The following FOXN2 variants were observed in gnomAD, a reference collection of about 807,000 sequenced individuals.
FOXN2 encodes the protein forkhead box N2.
FOXN2 carries 19 observed loss-of-function variants against 41.2 expected under a neutral mutation model. The observed-to-expected ratio is 0.46, with a 90% CI of 0.32 to 0.68. FOXN2 has a LOEUF of 0.68. FOXN2 is among the 30% of genes least tolerant of loss of function. FOXN2 has a pLI of 0.03. For synonymous variants in FOXN2, 195 were observed against 176.8 expected, an observed-to-expected ratio of 1.10 and a Z score of -0.82; for missense variants, 587 against 509.4, an observed-to-expected ratio of 1.15 and a Z score of -1.47.
chr2:48,353,603 TGTGA>T (rs1303796410), intron 3 of FOXN2, among the ~76,000 whole-genome samples: 12 of 92,482 alleles, frequency 1.3e-4, no homozygotes, highest in Admixed American at 5.3e-4. Flanking sequence ...TGTGTGTGTG[TGTGA>T]AAGAGAAAGG....
In FOXN2 at chr2:48,362,670, C is replaced by T. The variant is rs375249433; in HGVS notation, c.666C>T (p.Ser222=). Residue 222 remains serine, a synonymous_variant, in exon 5 of 7, where the codon AGC becomes AGT. Transcript: ENST00000340553. ...GTTCTTTATCACCTCACTATTTAAG[C>T]TCTGTAATCAAGCAGAACCAGGTGC... ...QNGSLSPHYL[S]SVIKQNQVRN... The T allele has an allele frequency of 6.8e-6, 11 of 1,613,840 alleles. No individual in the cohort carries two copies. In the African/African-American group the frequency reaches 1.3e-4, roughly 20 times the overall value.
intron 1 of FOXN2, among the ~76,000 whole-genome samples, chr2:48,327,716 A>T (rs544591918): frequency 6.4e-4 from 97 of 152,322 alleles, no homozygotes; most frequent in African/African-American, 2.3e-3. Context: ...AAGTGCTGGG[A>T]TTACAGGTGT....
intron 2 of FOXN2, among the ~76,000 whole-genome samples, chr2:48,337,720 T>C (rs1384348550): frequency 6.6e-6 from 1 of 152,102 alleles, no homozygotes; most frequent in East Asian, 1.9e-4. Flanking sequence ...TAATTTCAAA[T>C]AGACTTAAAG....
Position 48,346,442 on chromosome 2 carries a change from T to G in FOXN2, c.228T>G (p.Ser76Arg). 1 of 1,614,146 alleles carries G rather than the reference T, an allele frequency of 6.2e-7. No homozygotes were observed. The highest frequency in any genetic ancestry group is 8.5e-7 in the Non-Finnish European group (1 of 1,180,020). The change falls in exon 3 of 7, where the codon AGT becomes AGG. Residue 76 changes from serine (S) to arginine (R), a missense_variant. Coordinates refer to ENST00000340553, the MANE Select transcript of FOXN2 (RefSeq NM_002158.4). ...TNLLTNFSLG[S>R]EGLPIVSPLY... ...TTCTAACAAACTTCAGCCTCGGAAG[T>G]GAGGGTCTTCCAATTGTTAGTCCAT...
intron 2 of FOXN2, among the ~76,000 whole-genome samples, chr2:48,335,569 C>G (rs1392792468): frequency 1.7e-5 from 1 of 59,106 alleles, no homozygotes; most frequent in Non-Finnish European, 4.3e-5. Flanking sequence ...CATGTTCATA[C>G]AAATAAAATG....
chr2:48,344,993 G>T (rs774510598), intron 2 of FOXN2, among the ~76,000 whole-genome samples: 3 of 152,062 alleles, frequency 2.0e-5, no homozygotes, highest in Admixed American at 6.6e-5. Context: ...TCTCTGGTCT[G>T]TTATTGTCTC....
intron 2 of FOXN2, among the ~76,000 whole-genome samples, chr2:48,345,303 A>C (rs907971479): frequency 2.0e-5 from 3 of 152,122 alleles, no homozygotes; most frequent in Non-Finnish European, 4.4e-5. Context: ...GGAAGTATAG[A>C]GTAGAATGGT....
chr2:48,360,476 A>T (rs999662957), intron 4 of FOXN2, among the ~76,000 whole-genome samples: 2 of 152,164 alleles, frequency 1.3e-5, no homozygotes, highest in East Asian at 1.9e-4. Flanking sequence ...CTTGTAGAGG[A>T]GTGGTTGTAG....
intron 2 of FOXN2, among the ~76,000 whole-genome samples, chr2:48,331,060 A>G (rs1572708323): frequency 2.0e-5 from 3 of 152,332 alleles, no homozygotes; most frequent in Admixed American, 2.0e-4. Context: ...TCCATGTAGT[A>G]AAGCTTATTA....
At chr2:48,341,868 C>T (rs952832005) in intron 2 of FOXN2, among the ~76,000 whole-genome samples, 9 of 152,194 alleles carry the variant, frequency 5.9e-5, no homozygotes, top group Non-Finnish European at 1.0e-4. Context: ...AAATCATTCC[C>T]TTATTTACCA....
intron 2 of FOXN2, among the ~76,000 whole-genome samples, chr2:48,336,313 C>T (rs1670348383): frequency 6.6e-6 from 1 of 150,590 alleles, no homozygotes; most frequent in African/African-American, 2.4e-5. Context: ...GAGGCCGAGG[C>T]AGGAGAATCG....
intron 6 of FOXN2, among the ~76,000 whole-genome samples, chr2:48,373,992 T>TTGCAGTGAGCCATGAGCAC (rs140131320): frequency 6.6e-6 from 1 of 151,232 alleles, no homozygotes; most frequent in South Asian, 2.1e-4. Context: ...GAGGTGGGGG[T>TTGCAGTGAGCCATGAGCAC]TGCAGTGAGC....
In FOXN2 at chr2:48,375,594, A is replaced by G. The variant is rs367931724; in HGVS notation, c.*151A>G. 69 of 708,424 alleles carry G rather than the reference A, an allele frequency of 9.7e-5. No individual in the cohort carries two copies. The African/African-American group carries it at 1.1e-3, about 11-fold the overall frequency. 43.9% of individuals were successfully genotyped at this position (708,424 alleles called of 1,614,324 possible). On this transcript the variant is annotated 3_prime_UTR_variant, in exon 7 of 7. Coordinates refer to ENST00000340553, the MANE Select transcript of FOXN2 (RefSeq NM_002158.4). ...TTGGTTTTTGGTTTTTAAAATTTTT[A>G]TTAAACAATTGCTGTTAGGATCATG... is the stretch of plus-strand genomic sequence containing the variant.
chr2:48,369,067 G>T (rs1384766391), intron 5 of FOXN2, among the ~76,000 whole-genome samples: 1 of 152,142 alleles, frequency 6.6e-6, no homozygotes, highest in Non-Finnish European at 1.5e-5. Flanking sequence ...TCTATTTAAG[G>T]TGTATTTTTC....
At chr2:48,341,458 G>A (rs1670768096) in intron 2 of FOXN2, among the ~76,000 whole-genome samples, 1 of 152,052 alleles carries the variant, frequency 6.6e-6, no homozygotes, top group Non-Finnish European at 1.5e-5. Flanking sequence ...TTTGTAACCA[G>A]AATGCTAACA....
chr2:48,323,602 G>C (rs1460249498), intron 1 of FOXN2, among the ~76,000 whole-genome samples: 1 of 152,044 alleles, frequency 6.6e-6, no homozygotes, highest in Non-Finnish European at 1.5e-5. Flanking sequence ...TGAGTTGTTT[G>C]AGTGCCTTGT....
rs544579401 is a variant in FOXN2 at position 48,362,937 on chromosome 2, C to G, written c.703+230C>G. ...CTGCTAGTCCTGTAAAAGTATAGCA[C>G]GTAGTTATGTACATATGTTAATACT... On this transcript the variant is annotated intron_variant, in intron 5 of 6. Coordinates refer to ENST00000340553, the MANE Select transcript of FOXN2 (RefSeq NM_002158.4). Among the ~76,000 whole-genome samples, 6 of 152,218 alleles carry G rather than the reference C, an allele frequency of 3.9e-5. No homozygotes were observed. The East Asian group carries it at 1.2e-3, about 29-fold the overall frequency.
At chr2:48,324,356 G>C (rs1437610663) in intron 1 of FOXN2, among the ~76,000 whole-genome samples, 1 of 152,034 alleles carries the variant, frequency 6.6e-6, no homozygotes, top group Non-Finnish European at 1.5e-5. Flanking sequence ...CACTTTGCCT[G>C]GCTAATTTTT....
chr2:48,362,592 A>G, intron 4 of FOXN2, 51 bp from the exon 5 acceptor site: 1 of 1,527,688 alleles, frequency 6.5e-7, no homozygotes, highest in Non-Finnish European at 9.1e-7. Flanking sequence ...AGGGGGAAAA[A>G]GTGAAGTAAA....
Sources: allele counts gnomAD v4.1 joint callset (sites outside exome capture counted in the v4.1 genomes callset), GRCh38; gene constraint gnomAD v4.1.1; transcripts MANE v1.5; gene names NCBI Gene and HGNC (gene_info 2026-07-23, HGNC 2026-07-21).